Variants in GFM2 observed in about 807,000 individuals in gnomAD.
The protein encoded by GFM2 is GTP dependent ribosome recycling factor mitochondrial 2.
Under a neutral mutation model 95.4 loss-of-function variants are expected in GFM2, and 72 were observed. The ratio of observed to expected loss-of-function variants is 0.76; its 90% confidence interval spans 0.62 to 0.92. GFM2 has a LOEUF of 0.92. Ranked by LOEUF, GFM2 falls within the 40% of genes least tolerant of loss-of-function variation. The pLI is 0.00. For synonymous variants in GFM2, 276 were observed against 317.5 expected, an observed-to-expected ratio of 0.87 and a Z score of 1.39; for missense variants, 825 against 924.1, an observed-to-expected ratio of 0.89 and a Z score of 1.39.
intron 16 of GFM2, among the ~76,000 whole-genome samples, chr5:74,731,813 A>G (rs1255674290): frequency 1.3e-5 from 2 of 152,154 alleles, no homozygotes; most frequent in African/African-American, 4.8e-5. Context: ...AAAGTGTGAA[A>G]GGCTATTCAC....
chr5:74,765,185 G>A, intron 1 of GFM2: 1 of 1,001,666 alleles, frequency 1.0e-6, no homozygotes, highest in Non-Finnish European at 1.2e-6. Flanking sequence ...CTTTAACTCA[G>A]TGGTTGTCAA....
Position 74,763,685 on chromosome 5 carries a change from T to C in GFM2, c.58A>G (p.Ile20Val), listed in dbSNP as rs1431146168. 6.4e-6 allele frequency: 10 copies of C among 1,567,876 alleles called. No individual in the cohort carries two copies. Among genetic ancestry groups the C allele is most frequent in the Non-Finnish European group, 7.9e-6 (9 of 1,138,834 alleles). The part of the protein sequence containing the change: ...MSHQTIPSVY[I>V]NNICCYKIRA... The stretch of plus-strand genomic sequence containing the variant: ...ATTTTATAAGAAATGCTTACATTAA[T>C]ATACACACTGGGTATTGTCTGATGA... The change falls in exon 2 of 21, where the codon ATT becomes GTT. Residue 20 changes from isoleucine (I) to valine (V), a missense_variant. Physicochemically the swap from Ile to Val is conservative, Grantham distance 29. Coordinates refer to ENST00000296805, the MANE Select transcript of GFM2 (RefSeq NM_032380.5).
intron 19 of GFM2, among the ~76,000 whole-genome samples, chr5:74,723,284 T>A (rs187576564): frequency 1.3e-5 from 2 of 152,290 alleles, no homozygotes; most frequent in Non-Finnish European, 2.9e-5. Context: ...CAGCCCATAG[T>A]TTGAGTGCTC....
At chr5:74,740,174 G>T in intron 11 of GFM2, 37 bp from the exon 12 acceptor site, 1 of 1,563,316 alleles carries the variant, frequency 6.4e-7, no homozygotes, top group Non-Finnish European at 8.6e-7. Context: ...TTTATTTTGT[G>T]TACTGGTCTT....
In GFM2 at chr5:74,759,285, C is replaced by T. The variant is rs915314281; in HGVS notation, c.206+84G>A. On this transcript the variant is annotated intron_variant, in intron 4 of 20. Transcript: ENST00000296805. ...CTAGGGCAGAAAGTCATAGAAATTACAGCATTCACTCTTGTCCATCAGAAA... is the reference window on the plus strand; with the variant it reads ...CTAGGGCAGAAAGTCATAGAAATTATAGCATTCACTCTTGTCCATCAGAAA... 5.2e-5 allele frequency: 40 copies of T among 774,850 alleles called. 2 individuals carry two copies. The South Asian group carries it at 5.6e-4, about 11-fold the overall frequency. 48.0% of individuals were successfully genotyped at this position (774,850 alleles called of 1,614,324 possible). A position where few individuals can be genotyped will look rare whatever the true frequency, so the allele number is the denominator to read the frequency against.
chr5:74,724,531 C>T (rs1361617056), intron 19 of GFM2, among the ~76,000 whole-genome samples: 3 of 151,200 alleles, frequency 2.0e-5, no homozygotes, highest in Admixed American at 6.6e-5. Flanking sequence ...TCAACAATAT[C>T]GTCATAACTA....
chr5:74,758,897 T>C lies in GFM2; in HGVS notation c.256A>G (p.Thr86Ala), dbSNP rs894820134. ...GAATAGTACAATATTCTTTCTGTGGTGGTAGTTTTGCCTGCATCAATATGA... is the reference window on the plus strand; with the variant it reads ...GAATAGTACAATATTCTTTCTGTGGCGGTAGTTTTGCCTGCATCAATATGA... ...MAHIDAGKTTTTERILYYSGY... is the reference protein window; with the variant it reads ...MAHIDAGKTTATERILYYSGY... Residue 86 changes from threonine to alanine, a missense_variant, in exon 5 of 21, where the codon ACC becomes GCC. Thr to Ala is a moderately conservative substitution (Grantham distance 58). Transcript: ENST00000296805. The C allele has an allele frequency of 6.2e-7, 1 of 1,610,650 alleles. No individual in the cohort carries two copies. The highest frequency in any genetic ancestry group is 8.5e-7 in the Non-Finnish European group (1 of 1,176,944).
intron 1 of GFM2, among the ~76,000 whole-genome samples, chr5:74,764,413 C>A (rs1744436009): frequency 6.6e-6 from 1 of 152,222 alleles, no homozygotes; most frequent in Non-Finnish European, 1.5e-5. Context: ...CAACCCGTGG[C>A]CTGCAGGCCA....
chr5:74,747,863 T>C, intron 7 of GFM2, 83 bp from the exon 8 acceptor site: 1 of 715,630 alleles, frequency 1.4e-6, no homozygotes, highest in Non-Finnish European at 2.4e-6. Flanking sequence ...TCCAAAAATC[T>C]ACTGTCAGAT....
rs1742950025 is a variant in GFM2 at position 74,738,553 on chromosome 5, G to C, written c.1169C>G (p.Ser390Ter). ...GGCCAACTGGGGTTTTATAGTGCCT[G>C]AGTAAATGCGCATAAAAACCAGTGG... is the stretch of plus-strand genomic sequence containing the variant. ...RGPLVFMRIY[S>*]GTIKPQLAIH... Residue 390 changes from serine (S) to a stop codon, truncating the protein, a stop_gained, in exon 13 of 21, where the codon TCA becomes TGA. Transcript: ENST00000296805. LOFTEE classifies it high-confidence loss of function. 1.2e-6 allele frequency: 2 copies of C among 1,613,698 alleles called. No homozygotes were observed. The highest frequency in any genetic ancestry group is 1.7e-6 in the Non-Finnish European group (2 of 1,179,734).
At chr5:74,743,467 G>A (rs1269673602) in intron 10 of GFM2, among the ~76,000 whole-genome samples, 3 of 152,096 alleles carry the variant, frequency 2.0e-5, no homozygotes, top group African/African-American at 7.2e-5. Flanking sequence ...GTCTTATTCT[G>A]TAAATTTTAT....
At chr5:74,723,781 C>G (rs142569033) in intron 19 of GFM2, among the ~76,000 whole-genome samples, 169 of 152,278 alleles carry the variant, frequency 1.1e-3, no homozygotes, top group Non-Finnish European at 2.0e-3. Flanking sequence ...ACCATGCTCA[C>G]GTCCTCCAAA....
intron 8 of GFM2, 97 bp from the exon 9 acceptor site, chr5:74,746,262 T>C: frequency 1.7e-6 from 1 of 598,520 alleles, no homozygotes; most frequent in Non-Finnish European, 2.6e-6. Context: ...GTTTTAAGAA[T>C]GTTTTCTAAA....
At chr5:74,759,738 G>A (rs1191451651) in intron 3 of GFM2, among the ~76,000 whole-genome samples, 1 of 151,976 alleles carries the variant, frequency 6.6e-6, no homozygotes, top group Non-Finnish European at 1.5e-5. Context: ...TAGAATAAAT[G>A]CTCATAATAA....
At position 74,721,456 on chromosome 5, in the gene GFM2, C is replaced by A; in HGVS notation, c.*199G>T. The A allele has an allele frequency of 1.4e-6, 1 of 710,580 alleles. No homozygotes were observed. Among genetic ancestry groups the A allele is most frequent in the Non-Finnish European group, 2.5e-6 (1 of 407,950 alleles). 44.0% of individuals were successfully genotyped at this position (710,580 alleles called of 1,614,324 possible). ...ATTCAGGTACAGTGGCTTTAAACAT[C>A]AAAGCACATTTCTCATTATATAAAT... On this transcript the variant is annotated 3_prime_UTR_variant, in exon 21 of 21. Coordinates refer to ENST00000296805, the MANE Select transcript of GFM2 (RefSeq NM_032380.5).
At chr5:74,733,254 GCCAAGACAGAAT>G in intron 15 of GFM2, 156 bp from the exon 16 acceptor site, 16 of 558,986 alleles carry the variant, frequency 2.9e-5, no homozygotes, top group Non-Finnish European at 4.8e-5. Context: ...ACTTTGGGAA[GCCAAGACAGAAT>G]GATCGCTTGA....
chr5:74,748,152 A>C (rs1048547881), intron 7 of GFM2, among the ~76,000 whole-genome samples: 2 of 152,218 alleles, frequency 1.3e-5, no homozygotes, highest in Non-Finnish European at 2.9e-5. Context: ...TATGACACTG[A>C]ACTCATTTAA....
chr5:74,733,937 TTTTAATACACTCAA>T (rs1742700812), intron 15 of GFM2, among the ~76,000 whole-genome samples: 1 of 152,190 alleles, frequency 6.6e-6, no homozygotes, highest in Non-Finnish European at 1.5e-5. Context: ...TAAAGTGATA[TTTTAATACACTCAA>T]TTAACTGATA....
In GFM2 at chr5:74,751,405, A is replaced by G; in HGVS notation, c.393T>C (p.Asp131=). 3.7e-6 allele frequency: 6 copies of G among 1,613,150 alleles called. No homozygotes were observed. The highest frequency in any genetic ancestry group is 5.1e-6 in the Non-Finnish European group (6 of 1,179,170). The part of the protein sequence containing the change: ...ITIQSAAVTF[D]WKGYRVNLID... ...TTAGATTGACTCTATAACCTTTCCA[A>G]TCAAATGTAACAGCAGCTGATTGAA... is the stretch of plus-strand genomic sequence containing the variant. Residue 131 remains aspartate, a synonymous_variant, in exon 6 of 21, where the codon GAT becomes GAC. Transcript: ENST00000296805.
Sources: gnomAD v4.1 joint callset for allele counts (sites outside exome capture counted in the v4.1 genomes callset) on GRCh38, gnomAD v4.1.1 for gene constraint, MANE v1.5 for transcripts, NCBI Gene and HGNC (gene_info 2026-07-23, HGNC 2026-07-21) for gene names.